Variants in SCN3A observed in about 807,000 individuals in gnomAD.
SCN3A encodes sodium voltage-gated channel alpha subunit 3.
A neutral mutation model predicts 187.6 loss-of-function variants in SCN3A; 60 were observed. That is an observed-to-expected ratio of 0.32 (90% CI 0.26 to 0.40). SCN3A has a LOEUF of 0.40. Among genes scored for constraint, SCN3A ranks in the 10% least tolerant of loss-of-function variants. The pLI is 1.00. For missense variants in SCN3A, 1,601 were observed against 2,428.2 expected (o/e 0.66, Z 7.16); for synonymous variants, 788 against 829.2 (o/e 0.95, Z 0.85).
chr2:165,170,488 A>G lies in SCN3A; in HGVS notation c.325T>C (p.Tyr109His). 6.2e-7 allele frequency: 1 copy of G among 1,611,878 alleles called. No homozygotes were observed. The highest frequency in any genetic ancestry group is 8.5e-7 in the Non-Finnish European group (1 of 1,178,536). The change falls in exon 4 of 28, where the codon TAT (tyrosine) becomes CAT (histidine). Residue 109 changes from tyrosine to histidine, a missense_variant. Physicochemically the swap from Tyr to His is moderately conservative, Grantham distance 83. Coordinates refer to ENST00000283254, the MANE Select transcript of SCN3A (RefSeq NM_006922.4). Reference protein sequence around the residue: ...IFRFSATSALYILTPLNPVRK... With the variant: ...IFRFSATSALHILTPLNPVRK... Reference sequence around the variant, plus strand: ...ACAGGGTTTAGTGGAGTTAAAATATACAAGGCAGAGGTGGCACTGAATCGG... The same window carrying G: ...ACAGGGTTTAGTGGAGTTAAAATATGCAAGGCAGAGGTGGCACTGAATCGG...
At chr2:165,169,283 A>G (rs773054606) in intron 4 of SCN3A, among the ~76,000 whole-genome samples, 2 of 152,020 alleles carry the variant, frequency 1.3e-5, no homozygotes, top group Non-Finnish European at 2.9e-5. Context: ...TGAGAATTCT[A>G]TCATAAATAG....
At chr2:165,151,187 CA>C (rs746528839) in intron 11 of SCN3A, among the ~76,000 whole-genome samples, 3 of 152,152 alleles carry the variant, frequency 2.0e-5, no homozygotes, top group Admixed American at 6.5e-5. Context: ...CTCAATAATT[CA>C]CTAAACAACT....
In SCN3A at chr2:165,146,961, T is replaced by C; in HGVS notation, c.1449A>G (p.Glu483=). Residue 483 remains glutamate (E), a synonymous_variant, in exon 12 of 28, where the codon GAA becomes GAG. Coordinates refer to ENST00000283254, the MANE Select transcript of SCN3A (RefSeq NM_006922.4). The part of the protein sequence containing the change: ...SGIGGLGELL[E]SSSEASKLSS... ...TCAACTTTGATGCTTCTGAAGAACT[T>C]TCCAACAGCTCTCCTAACCCACCTA... 1 of 1,614,072 alleles carries C rather than the reference T, an allele frequency of 6.2e-7. No individual in the cohort carries two copies. The highest frequency in any genetic ancestry group is 8.5e-7 in the Non-Finnish European group (1 of 1,179,960).
rs181613132 is a variant in SCN3A, at chr2:165,099,178, A to G, written c.3966+1124T>C. On this transcript the variant is annotated intron_variant, in intron 22 of 27. Coordinates refer to ENST00000283254, the MANE Select transcript of SCN3A (RefSeq NM_006922.4). ...ACCAACCATCTCCTAACATCCTAAC[A>G]TGAAAGCCCTATCACCTAGACTAAA... Among the ~76,000 whole-genome samples, 33 of 152,290 alleles carry G rather than the reference A, an allele frequency of 2.2e-4. No homozygotes were observed. In the East Asian group the frequency reaches 6.0e-3, roughly 28 times the overall value.
At chr2:165,163,594 C>T (rs1226047019) in intron 7 of SCN3A, 24 bp downstream of exon 7, 1 of 1,612,758 alleles carries the variant, frequency 6.2e-7, no homozygotes, top group Non-Finnish European at 8.5e-7. Context: ...TAAAGTCAAC[C>T]TCGGTGTTTA....
At position 165,168,727 on chromosome 2, in the gene SCN3A, C is replaced by T; in HGVS notation, c.473+9G>A. ...GCATTTCTCATTCCCAGAAGTTATTCCTACTTACTCTACATTCTTTGTCCA... is the reference window on the plus strand; with the variant it reads ...GCATTTCTCATTCCCAGAAGTTATTTCTACTTACTCTACATTCTTTGTCCA... On this transcript the variant is annotated intron_variant, in intron 5 of 27. Coordinates refer to ENST00000283254, the MANE Select transcript of SCN3A (RefSeq NM_006922.4). 6.3e-7 allele frequency: 1 copy of T among 1,584,058 alleles called. No individual in the cohort carries two copies. Among genetic ancestry groups the T allele is most frequent in the Non-Finnish European group, 8.7e-7 (1 of 1,152,996 alleles).
chr2:165,180,783 T>C (rs1690797471), intron 2 of SCN3A, among the ~76,000 whole-genome samples: 1 of 152,006 alleles, frequency 6.6e-6, no homozygotes, highest in Non-Finnish European at 1.5e-5. Flanking sequence ...TTATGATCAA[T>C]GTGAAGATTG....
chr2:165,178,191 C>CA (rs1690590777), intron 2 of SCN3A, among the ~76,000 whole-genome samples: 1 of 151,752 alleles, frequency 6.6e-6, no homozygotes, highest in African/African-American at 2.4e-5. Context: ...ATTCCAATGA[C>CA]AAAAAAGTGT....
chr2:165,131,391 T>A lies in SCN3A; in HGVS notation c.2418A>T (p.Glu806Asp). The change falls in exon 16 of 28, where the codon GAA becomes GAT. Residue 806 changes from glutamate (E) to aspartate (D), a missense_variant. By Grantham distance (45) the Glu-to-Asp change is conservative. Coordinates refer to ENST00000283254, the MANE Select transcript of SCN3A (RefSeq NM_006922.4). ...CCATGGCAATGATCTTGAGAACCAT[T>A]TCTGCTGTGAAAATCCCAGTAAAGA... ...NLVFTGIFTA[E>D]MVLKIIAMDP... The A allele has an allele frequency of 6.2e-7, 1 of 1,604,924 alleles. No homozygotes were observed. The highest frequency in any genetic ancestry group is 8.5e-7 in the Non-Finnish European group (1 of 1,174,430).
intron 1 of SCN3A, among the ~76,000 whole-genome samples, chr2:165,193,511 A>G (rs1574347625): frequency 2.0e-5 from 3 of 152,080 alleles, no homozygotes; most frequent in South Asian, 4.2e-4. Flanking sequence ...TCCTACCCCA[A>G]CATCAGCCAT....
chr2:165,139,839 A>G (rs1687896125), intron 13 of SCN3A: 1 of 510,576 alleles, frequency 2.0e-6, no homozygotes, highest in Non-Finnish European at 3.5e-6. Context: ...TTATAACACA[A>G]TTATATTACA....
intron 25 of SCN3A, among the ~76,000 whole-genome samples, chr2:165,094,751 A>C (rs1463677210): frequency 6.6e-6 from 1 of 152,194 alleles, no homozygotes; most frequent in East Asian, 1.9e-4. Flanking sequence ...ATTTTTGCAA[A>C]ACAGAAAACA....
chr2:165,087,614 G>A lies in SCN3A; in HGVS notation c.*2536C>T, dbSNP rs1345589172. The A allele has an allele frequency of 6.6e-6, 1 of 151,938 alleles. No individual in the cohort carries two copies. The highest frequency in any genetic ancestry group is 1.5e-5 in the Non-Finnish European group (1 of 67,978). 9.4% of individuals were successfully genotyped at this position (151,938 alleles called of 1,614,324 possible). ...TTTAAAAATATGCATTACAACTGGA[G>A]TTTTCCACTGAGAATAAGAGTTTGG... On this transcript the variant is annotated 3_prime_UTR_variant, in exon 28 of 28. Coordinates refer to ENST00000283254, the MANE Select transcript of SCN3A (RefSeq NM_006922.4).
Position 165,176,343 on chromosome 2 carries a change from T to C in SCN3A, c.52A>G (p.Thr18Ala). 1 of 1,614,088 alleles carries C rather than the reference T, an allele frequency of 6.2e-7. No individual in the cohort carries two copies. Among genetic ancestry groups the C allele is most frequent in the East Asian group, 2.2e-5 (1 of 44,874 alleles). ...TCGATAGCAGCAAGAGATTCTCTAG[T>C]AAAAAGGCGGAAGCTTTCAGGTCCT... The part of the protein sequence containing the change: ...PPGPESFRLF[T>A]RESLAAIEKR... The change falls in exon 3 of 28, where the codon ACT becomes GCT. Residue 18 changes from threonine (T) to alanine (A), a missense_variant. Thr to Ala is a moderately conservative substitution (Grantham distance 58). Around this residue, in one of 11 missense-constraint regions of SCN3A, gnomAD observed 74 missense variants for 77.7 expected, o/e 0.95. Transcript: ENST00000283254.
In SCN3A at chr2:165,191,960, A is replaced by T. The variant is rs569999881; in HGVS notation, c.-247-5213T>A. On this transcript the variant is annotated intron_variant, in intron 1 of 27. Transcript: ENST00000283254. ...TTTTAGATTTATTATTTGGAAATTC[A>T]GCCCAATCTTTAGAAACTCACATAT... Among the ~76,000 whole-genome samples, 26 of 152,114 alleles carry T rather than the reference A, an allele frequency of 1.7e-4. 1 individual carries two copies. The highest frequency in any genetic ancestry group is 6.0e-4 in the African/African-American group (25 of 41,530).
chr2:165,167,963 C>T (rs2105904363), intron 5 of SCN3A, among the ~76,000 whole-genome samples: 1 of 152,200 alleles, frequency 6.6e-6, no homozygotes, highest in Middle Eastern at 3.4e-3. Flanking sequence ...TGAAATCATA[C>T]AAATATCCCC....
Position 165,146,839 on chromosome 2 carries a change from G to T in SCN3A, c.1571C>A (p.Pro524His). 1 of 1,613,980 alleles carries T rather than the reference G, an allele frequency of 6.2e-7. No homozygotes were observed. Among genetic ancestry groups the T allele is most frequent in the Non-Finnish European group, 8.5e-7 (1 of 1,179,950 alleles). ...GACGCTGTCTTCAGATTCGGATTTG[G>T]GAAAGCTGTCTCTCTCTCCTTTGTT... ...GNNKGERDSF[P>H]KSESEDSVKR... The change falls in exon 12 of 28, where the codon CCC becomes CAC. Residue 524 changes from proline to histidine, a missense_variant. By Grantham distance (77) the Pro-to-His change is moderately conservative (BLOSUM62 -2). Transcript: ENST00000283254.
chr2:165,133,180 T>C (rs1043361130), intron 15 of SCN3A, among the ~76,000 whole-genome samples: 36 of 152,098 alleles, frequency 2.4e-4, no homozygotes, highest in Non-Finnish European at 3.4e-4. Flanking sequence ...TTACACTGTT[T>C]GTGGGACTGT....
intron 26 of SCN3A, 176 bp downstream of exon 26, chr2:165,094,198 G>T: frequency 3.1e-6 from 2 of 651,252 alleles, no homozygotes; most frequent in African/African-American, 1.8e-5. Flanking sequence ...CCTTTTTTTG[G>T]AATGTGGTAA....
Sources: gnomAD v4.1 joint callset for allele counts (sites outside exome capture counted in the v4.1 genomes callset) on GRCh38, gnomAD v4.1.1 for gene constraint, gnomAD v4.1.1 regional missense constraint, MANE v1.5 for transcripts, NCBI Gene and HGNC (gene_info 2026-07-23, HGNC 2026-07-21) for gene names.